ELP4: variants seen among roughly 807,000 people sequenced by gnomAD.
ELP4 encodes elongator complex protein 4.
A neutral mutation model predicts 48.9 loss-of-function variants in ELP4; 51 were observed. The ratio of observed to expected loss-of-function variants is 1.04; its 90% CI spans 0.83 to 1.32. The LOEUF is 1.32. Ranked by LOEUF, ELP4 falls within the 40% of genes most tolerant of loss-of-function variation. The pLI, the probability that ELP4 is intolerant of heterozygous loss-of-function variation, is 0.00. For missense variants in ELP4, 519 were observed against 514.6 expected (o/e 1.01, Z -0.08); for synonymous variants, 210 against 189.2 (o/e 1.11, Z -0.90).
chr11:31,673,027 G>T (rs1945841481), intron 9 of ELP4, among the ~76,000 whole-genome samples: 1 of 151,640 alleles, frequency 6.6e-6, no homozygotes. Flanking sequence ...TTTTGTCTTT[G>T]TTTTTTTGAG....
chr11:31,540,884 T>G (rs1033571124), intron 3 of ELP4, among the ~76,000 whole-genome samples: 3 of 152,184 alleles, frequency 2.0e-5, no homozygotes, highest in Non-Finnish European at 4.4e-5. Flanking sequence ...CCACAAATGA[T>G]TCTCTTCTAT....
chr11:31,575,815 G>C (rs564858807), intron 3 of ELP4, among the ~76,000 whole-genome samples: 1 of 152,078 alleles, frequency 6.6e-6, no homozygotes, highest in Admixed American at 6.6e-5. Flanking sequence ...AGGAACAACC[G>C]GTACTAGCCA....
intron 3 of ELP4, among the ~76,000 whole-genome samples, chr11:31,574,928 G>A (rs772947508): frequency 9.9e-5 from 15 of 152,232 alleles, no homozygotes; most frequent in African/African-American, 2.2e-4. Flanking sequence ...AAAGCTGGAC[G>A]GAGAATGACT....
intron 2 of ELP4, among the ~76,000 whole-genome samples, chr11:31,530,713 A>G (rs1310728098): frequency 1.3e-5 from 2 of 152,152 alleles, no homozygotes; most frequent in African/African-American, 2.4e-5. Context: ...TTATAGTCCA[A>G]CAGATATTTG....
At position 31,617,007 on chromosome 11, in the gene ELP4, G is replaced by A. The variant is rs147660454; in HGVS notation, c.654-10103G>A. On this transcript the variant is annotated intron_variant, in intron 5 of 9. Transcript: ENST00000640961. Reference sequence around the variant, plus strand: ...GGGTTGTAAAATGTGTAACTGCTATGGAAAACAGCATGGCAGTTTCTCAAA... The same window carrying A: ...GGGTTGTAAAATGTGTAACTGCTATAGAAAACAGCATGGCAGTTTCTCAAA... 7.2e-5 allele frequency among the ~76,000 whole-genome samples: 11 copies of A among 152,096 alleles called. No individual in the cohort carries two copies. The East Asian group carries it at 2.1e-3, about 29-fold the overall frequency.
chr11:31,698,395 A>T (rs1366594586), intron 9 of ELP4, among the ~76,000 whole-genome samples: 1 of 152,166 alleles, frequency 6.6e-6, no homozygotes, highest in African/African-American at 2.4e-5. Context: ...ATATGCTTAC[A>T]ATTACATTGC....
chr11:31,744,443 A>C (rs1179789056), intron 9 of ELP4, among the ~76,000 whole-genome samples: 3 of 152,180 alleles, frequency 2.0e-5, no homozygotes, highest in African/African-American at 7.2e-5. Flanking sequence ...CAACAAAAAA[A>C]GAATTTTGAC....
intron 2 of ELP4, among the ~76,000 whole-genome samples, chr11:31,525,692 T>C (rs1956285268): frequency 6.6e-6 from 1 of 152,144 alleles, no homozygotes; most frequent in Non-Finnish European, 1.5e-5. Context: ...GAATTCACAC[T>C]GTAAGGCTTA....
At chr11:31,751,388 A>G (rs1947717365) in intron 9 of ELP4, among the ~76,000 whole-genome samples, 1 of 152,132 alleles carries the variant, frequency 6.6e-6, no homozygotes, top group Non-Finnish European at 1.5e-5. Context: ...TCCTCTCCCA[A>G]CTCTACTTTC....
intron 9 of ELP4, chr11:31,763,640 G>A: frequency 7.6e-7 from 1 of 1,323,726 alleles, no homozygotes; most frequent in Non-Finnish European, 1.0e-6. Flanking sequence ...GATAGTTTAA[G>A]GTGTTCACAT....
At chr11:31,660,642 A>G (rs1592200101) in intron 9 of ELP4, among the ~76,000 whole-genome samples, 1 of 151,804 alleles carries the variant, frequency 6.6e-6, no homozygotes, top group Non-Finnish European at 1.5e-5. Flanking sequence ...GTATACACAT[A>G]TGTACTTGTT....
chr11:31,790,120 A>C lies in ELP4; in HGVS notation c.*6596A>C, dbSNP rs926580744. 2.5e-4 allele frequency: 193 copies of C among 760,194 alleles called. 5 individuals are homozygous for C. Among genetic ancestry groups the C allele is most frequent in the Middle Eastern group, 2.9e-4 (1 of 3,494 alleles). 47.1% of individuals were successfully genotyped at this position (760,194 alleles called of 1,614,324 possible). A position where few individuals can be genotyped will look rare whatever the true frequency, so the allele number is the denominator to read the frequency against. ...TACAAAAAAAAAAAAAAAAAAAAAAACTAATACTTTCTAACATTTTTTACT... is the reference window on the plus strand; with the variant it reads ...TACAAAAAAAAAAAAAAAAAAAAAACCTAATACTTTCTAACATTTTTTACT... On this transcript the variant is annotated 3_prime_UTR_variant, in exon 10 of 10. Transcript: ENST00000640961.
rs566919416 is a variant in ELP4 at position 31,621,651 on chromosome 11, G to A, written c.654-5459G>A. On this transcript the variant is annotated intron_variant, in intron 5 of 9. Coordinates refer to ENST00000640961, the MANE Select transcript of ELP4 (RefSeq NM_019040.5). The stretch of plus-strand genomic sequence containing the variant: ...TATATTTGTAAGCATACACTTCACA[G>A]TATTGAGTTTTCTTTATACATCGTG... Among the ~76,000 whole-genome samples the A allele has an allele frequency of 5.9e-5, 9 of 152,014 alleles. No individual in the cohort carries two copies. The South Asian group carries it at 8.3e-4, about 14-fold the overall frequency.
At chr11:31,762,889 C>A (rs1331063488) in intron 9 of ELP4, among the ~76,000 whole-genome samples, 1 of 151,388 alleles carries the variant, frequency 6.6e-6, no homozygotes, top group African/African-American at 2.4e-5. Flanking sequence ...AAATAATGAT[C>A]AACCTGATAC....
intron 9 of ELP4, among the ~76,000 whole-genome samples, chr11:31,721,831 G>A (rs1332020317): frequency 2.6e-5 from 4 of 152,110 alleles, no homozygotes; most frequent in African/African-American, 7.2e-5. Context: ...TTGTTTCTAT[G>A]TACTTTTTAG....
At chr11:31,577,612 C>T (rs1402707187) in intron 3 of ELP4, among the ~76,000 whole-genome samples, 1 of 152,052 alleles carries the variant, frequency 6.6e-6, no homozygotes, top group Non-Finnish European at 1.5e-5. Flanking sequence ...AAGTTGTCTT[C>T]ATCCCTAGGA....
chr11:31,676,442 C>T (rs1945926820), intron 9 of ELP4, among the ~76,000 whole-genome samples: 1 of 152,142 alleles, frequency 6.6e-6, no homozygotes. Flanking sequence ...TTTCCATCTT[C>T]CTGTACTAGG....
intron 5 of ELP4, among the ~76,000 whole-genome samples, chr11:31,610,112 G>C (rs1003498281): frequency 6.6e-6 from 1 of 152,054 alleles, no homozygotes; most frequent in African/African-American, 2.4e-5. Flanking sequence ...TAAAAATTCG[G>C]AAGTCATATA....
intron 9 of ELP4, among the ~76,000 whole-genome samples, chr11:31,745,022 G>C (rs1947549492): frequency 6.6e-6 from 1 of 152,170 alleles, no homozygotes; most frequent in Non-Finnish European, 1.5e-5. Flanking sequence ...TCCTCAAGCT[G>C]ATAAGCAACT....
Sources: allele counts gnomAD v4.1 joint callset (sites outside exome capture counted in the v4.1 genomes callset), GRCh38; gene constraint gnomAD v4.1.1; transcripts MANE v1.5; gene names NCBI Gene and HGNC (gene_info 2026-07-23, HGNC 2026-07-21).